Variants in MLLT1 observed in about 807,000 individuals in gnomAD.
MLLT1 encodes the protein MLLT1 super elongation complex subunit.
MLLT1 carries 11 observed loss-of-function variants against 55.1 expected under a neutral mutation model. The ratio of observed to expected loss-of-function variants is 0.20; its 90% CI spans 0.13 to 0.33. The LOEUF (loss-of-function observed/expected upper bound fraction) is 0.33, where lower values mean the gene tolerates loss of function less well. Ranked by LOEUF, MLLT1 falls within the 10% of genes least tolerant of loss-of-function variation. The pLI is 1.00. For missense variants in MLLT1, 536 were observed against 760.6 expected, an observed-to-expected ratio of 0.70 and a Z score of 3.47; for synonymous variants, 323 against 320.1, an observed-to-expected ratio of 1.01 and a Z score of -0.10.
At chr19:6,225,902 C>T (rs910129793) in intron 5 of MLLT1, among the ~76,000 whole-genome samples, 1 of 152,220 alleles carries the variant, frequency 6.6e-6, no homozygotes, top group South Asian at 2.1e-4. Flanking sequence ...CCAGCAAGAG[C>T]TTTTCCTTCA....
At chr19:6,228,614 TC>T (rs2090976255) in intron 4 of MLLT1, among the ~76,000 whole-genome samples, 1 of 152,148 alleles carries the variant, frequency 6.6e-6, no homozygotes, top group Non-Finnish European at 1.5e-5. Context: ...AAAGCAGCGC[TC>T]GCTGACACAG....
intron 6 of MLLT1, among the ~76,000 whole-genome samples, chr19:6,218,859 G>C (rs2090870299): frequency 6.6e-6 from 1 of 152,216 alleles, no homozygotes; most frequent in Non-Finnish European, 1.5e-5. Flanking sequence ...CAAGGGGTGT[G>C]CCAGAGGACA....
intron 3 of MLLT1, among the ~76,000 whole-genome samples, chr19:6,237,782 AG>A (rs1171815406): frequency 2.0e-5 from 3 of 150,306 alleles, no homozygotes; most frequent in Non-Finnish European, 3.0e-5. Flanking sequence ...AAAAAAAAAA[AG>A]ATGCTTAAGA....
chr19:6,241,202 A>AC (rs1252896650), intron 3 of MLLT1, among the ~76,000 whole-genome samples: 2 of 151,920 alleles, frequency 1.3e-5, no homozygotes, highest in African/African-American at 4.8e-5. Flanking sequence ...GCCTCTCTCT[A>AC]CCCTGAACTG....
At chr19:6,252,395 C>T (rs910110975) in intron 3 of MLLT1, among the ~76,000 whole-genome samples, 3 of 152,172 alleles carry the variant, frequency 2.0e-5, no homozygotes, top group African/African-American at 7.2e-5. Context: ...CCTATTCCCC[C>T]AATAAGTTCC....
intron 2 of MLLT1, among the ~76,000 whole-genome samples, chr19:6,267,445 A>G (rs1393327331): frequency 6.6e-6 from 1 of 152,060 alleles, no homozygotes. Context: ...AATGACTGAG[A>G]GAATGGGGGG....
At chr19:6,232,237 AAAAC>A (rs538916174) in intron 3 of MLLT1, among the ~76,000 whole-genome samples, 39 of 152,302 alleles carry the variant, frequency 2.6e-4, no homozygotes, top group East Asian at 7.7e-4. Flanking sequence ...CTCTGTCTGA[AAAAC>A]AAACAAACAA....
chr19:6,265,055 AACAAAAAAAC>A lies in MLLT1; in HGVS notation c.194-2755_194-2746del, dbSNP rs1568296327. Among the ~76,000 whole-genome samples, 22 of 31,278 alleles carry A rather than the reference AACAAAAAAAC, an allele frequency of 7.0e-4. 1 individual carries two copies. Among genetic ancestry groups the A allele is most frequent in the African/African-American group, 9.6e-4 (15 of 15,668 alleles). 20.5% of individuals were successfully genotyped at this position (31,278 alleles called of 152,430 possible). On this transcript the variant is annotated intron_variant, in intron 2 of 11. Transcript: ENST00000252674. ...GTGAACAGCAAAAAAAAAACAAAAAAACAAAAAAACAAAAAAAAACATGATGTCATAAAGC... is the reference window on the plus strand; with the variant it reads ...GTGAACAGCAAAAAAAAAACAAAAAAAAAAAAAAACATGATGTCATAAAGC...
intron 1 of MLLT1, among the ~76,000 whole-genome samples, chr19:6,272,037 T>C (rs956683700): frequency 1.2e-4 from 18 of 152,278 alleles, no homozygotes; most frequent in Admixed American, 1.0e-3. Context: ...GAGCTCTCAG[T>C]TGTCACGCGA....
chr19:6,222,370 C>A lies in MLLT1; in HGVS notation c.861G>T (p.Pro287=). Residue 287 remains proline (P), a synonymous_variant, in exon 6 of 12, where the codon CCG becomes CCT. Coordinates refer to ENST00000252674, the MANE Select transcript of MLLT1 (RefSeq NM_005934.4). The surrounding 1 kb of genome is among the most constrained non-coding windows in gnomAD (Gnocchi z 4.1). ...TGGGCTTTGGCGAGTCGGCGGTGGC[C>A]GGCCGCTTGCTGGAAGCCCGGGGTG... ...PPPPRASSKR[P]ATADSPKPSA... 1 of 1,416,008 alleles carries A rather than the reference C, an allele frequency of 7.1e-7. No individual in the cohort carries two copies. The highest frequency in any genetic ancestry group is 1.5e-5 in the South Asian group (1 of 67,320). 87.7% of individuals were successfully genotyped at this position (1,416,008 alleles called of 1,614,324 possible).
rs116902013 is a variant in MLLT1, at chr19:6,274,977, G to A, written c.13-4218C>T. Among the ~76,000 whole-genome samples, 91 of 152,338 alleles carry A rather than the reference G, an allele frequency of 6.0e-4. 1 individual carries two copies. The East Asian group carries it at 0.017, about 28-fold the overall frequency. Reference sequence around the variant, plus strand: ...GCAGCCTCTCGAGGGCAGCTTCCCCGGGGCTTTCTCAACGCAGCGTGCGGT... The same window carrying A: ...GCAGCCTCTCGAGGGCAGCTTCCCCAGGGCTTTCTCAACGCAGCGTGCGGT... On this transcript the variant is annotated intron_variant, in intron 1 of 11. Coordinates refer to ENST00000252674, the MANE Select transcript of MLLT1 (RefSeq NM_005934.4).
intron 2 of MLLT1, among the ~76,000 whole-genome samples, chr19:6,264,417 G>C (rs907330663): frequency 6.6e-6 from 1 of 152,046 alleles, no homozygotes; most frequent in Non-Finnish European, 1.5e-5. Flanking sequence ...TCAGGCCTGT[G>C]GATAGGCAGA....
intron 4 of MLLT1, among the ~76,000 whole-genome samples, chr19:6,228,531 G>T (rs1157415538): frequency 6.6e-6 from 1 of 152,138 alleles, no homozygotes; most frequent in African/African-American, 2.4e-5. Context: ...GGGGCACAAG[G>T]CTGGAACGGC....
At chr19:6,255,269 G>T (rs2091248773) in intron 3 of MLLT1, among the ~76,000 whole-genome samples, 1 of 152,228 alleles carries the variant, frequency 6.6e-6, no homozygotes, top group Non-Finnish European at 1.5e-5. Context: ...GAGGTGGGCG[G>T]ATCACTTGAT....
At position 6,213,755 on chromosome 19, in the gene MLLT1, T is replaced by C; in HGVS notation, c.1450A>G (p.Lys484Glu). 1 of 1,613,278 alleles carries C rather than the reference T, an allele frequency of 6.2e-7. No homozygotes were observed. Among genetic ancestry groups the C allele is most frequent in the Non-Finnish European group, 8.5e-7 (1 of 1,179,734 alleles). Residue 484 changes from lysine (K) to glutamate (E), a missense_variant, in exon 10 of 12, where the codon AAG becomes GAG. Lys to Glu is a moderately conservative substitution (Grantham distance 56). Around this residue, in one of 3 missense-constraint regions of MLLT1, gnomAD observed 449 missense variants for 489.0 expected, o/e 0.92. Coordinates refer to ENST00000252674, the MANE Select transcript of MLLT1 (RefSeq NM_005934.4). ...RSPESCSKPE[K>E]ILKKGTYDKA... Reference sequence around the variant, plus strand: ...TCGTAGGTGCCCTTCTTGAGGATCTTCTCAGGCTTGCTGCAGGACTCGGGG... The same window carrying C: ...TCGTAGGTGCCCTTCTTGAGGATCTCCTCAGGCTTGCTGCAGGACTCGGGG...
chr19:6,232,510 C>T (rs1288783087), intron 3 of MLLT1, among the ~76,000 whole-genome samples: 1 of 152,216 alleles, frequency 6.6e-6, no homozygotes, highest in Non-Finnish European at 1.5e-5. Context: ...GTATCAATCA[C>T]GACACTGCAT....
At chr19:6,274,673 TC>T (rs112758849) in intron 1 of MLLT1, among the ~76,000 whole-genome samples, 3,396 of 152,126 alleles carry the variant, frequency 0.022, 144 homozygotes, top group African/African-American at 0.078. Context: ...GATTTCCACT[TC>T]CCTGCACCTC....
At chr19:6,216,772 C>G (rs889350748) in intron 7 of MLLT1, 4 of 482,930 alleles carry the variant, frequency 8.3e-6, no homozygotes, top group African/African-American at 8.1e-5. Context: ...GGGGACTGGC[C>G]GGCAGTGGGC....
At chr19:6,276,162 A>G (rs2091427088) in intron 1 of MLLT1, among the ~76,000 whole-genome samples, 1 of 152,234 alleles carries the variant, frequency 6.6e-6, no homozygotes, top group African/African-American at 2.4e-5. Context: ...CAACTGCTTC[A>G]CAATATAATC....
Sources: allele counts gnomAD v4.1 joint callset (sites outside exome capture counted in the v4.1 genomes callset), GRCh38; gene constraint gnomAD v4.1.1; regional missense constraint gnomAD v4.1.1; non-coding constraint Gnocchi (gnomAD v3.1); transcripts MANE v1.5; gene names NCBI Gene and HGNC (gene_info 2026-07-23, HGNC 2026-07-21).